TSHZ2: variants seen among roughly 807,000 people sequenced by gnomAD.
TSHZ2 encodes teashirt homolog 2.
In TSHZ2, 21 loss-of-function variants were observed where a neutral mutation model predicts 74.4. The ratio of observed to expected loss-of-function variants is 0.28; its 90% CI spans 0.20 to 0.41. The LOEUF is 0.41. Among genes scored for constraint, TSHZ2 ranks in the 10% least tolerant of loss-of-function variants. The probability of loss-of-function intolerance (pLI) is 1.00; values close to 1 mark genes in which losing one functional copy is unlikely to be tolerated. For synonymous variants in TSHZ2, 540 were observed against 515.3 expected, an observed-to-expected ratio of 1.05 and a Z score of -0.65; for missense variants, 1,244 against 1,293.5, an observed-to-expected ratio of 0.96 and a Z score of 0.59.
rs79615593 is a variant in TSHZ2 at position 53,093,486 on chromosome 20, T to C, written c.40+120153T>C. Among the ~76,000 whole-genome samples, 519 of 152,370 alleles carry C rather than the reference T, an allele frequency of 3.4e-3. 2 individuals are homozygous for C. Among genetic ancestry groups the C allele is most frequent in the Non-Finnish European group, 5.9e-3 (399 of 68,040 alleles). ...TTCCAACATGGTGGTGCTGCTCTCC[T>C]TCACTCTCGCTGGGTGGGCTCCAGC... On this transcript the variant is annotated intron_variant, in intron 1 of 2. Transcript: ENST00000371497.
chr20:53,367,430 T>G (rs1367104929), intron 2 of TSHZ2, among the ~76,000 whole-genome samples: 1 of 151,710 alleles, frequency 6.6e-6, no homozygotes, highest in Non-Finnish European at 1.5e-5. Context: ...AAAATAAATT[T>G]TTAAATTTTT....
chr20:53,473,608 C>T (rs200831232), intron 2 of TSHZ2, among the ~76,000 whole-genome samples: 6 of 144,262 alleles, frequency 4.2e-5, no homozygotes, highest in Admixed American at 1.4e-4. Flanking sequence ...GCCTCTCCTC[C>T]TCCAAAGGAA....
At chr20:53,421,511 C>A in intron 2 of TSHZ2, 1 of 233,296 alleles carries the variant, frequency 4.3e-6, no homozygotes, top group South Asian at 6.9e-5. Context: ...ATCTGCACTG[C>A]CAAAATCGAG....
intron 1 of TSHZ2, among the ~76,000 whole-genome samples, chr20:53,067,280 A>C (rs1012930954): frequency 6.6e-6 from 1 of 152,176 alleles, no homozygotes; most frequent in Non-Finnish European, 1.5e-5. Flanking sequence ...GGGAGGTGAG[A>C]AGTAACTCTT....
At position 53,494,399 on chromosome 20, in the gene TSHZ2, A is replaced by G. The variant is rs961076685; in HGVS notation, c.*7264A>G. 6.6e-6 allele frequency: 1 copy of G among 152,194 alleles called. No homozygotes were observed. Among genetic ancestry groups the G allele is most frequent in the African/African-American group, 2.4e-5 (1 of 41,438 alleles). 9.4% of individuals were successfully genotyped at this position (152,194 alleles called of 1,614,324 possible). A position where few individuals can be genotyped will look rare whatever the true frequency, so the allele number is the denominator to read the frequency against. On this transcript the variant is annotated 3_prime_UTR_variant, in exon 3 of 3. Transcript: ENST00000371497. ...GAACAATCTGATCTTGAACTCCCAC[A>G]TAACTTAAATCAGGCAAAAAGAAAC...
Position 53,254,577 on chromosome 20 carries a change from G to A in TSHZ2, c.1119G>A (p.Glu373=). The change falls in exon 2 of 3, where the codon GAG becomes GAA. Residue 373 remains glutamate, a synonymous_variant. Coordinates refer to ENST00000371497, the MANE Select transcript of TSHZ2 (RefSeq NM_173485.6). ...QNGASYTWQF[E]ACKSQILKCM... ...GAGCCAGCTACACCTGGCAGTTTGA[G>A]GCCTGCAAGTCCCAGATCTTAAAGT... is the stretch of plus-strand genomic sequence containing the variant. 6.2e-7 allele frequency: 1 copy of A among 1,612,526 alleles called. No homozygotes were observed. The highest frequency in any genetic ancestry group is 1.1e-5 in the South Asian group (1 of 91,056).
At chr20:53,298,697 G>T (rs1215376624) in intron 2 of TSHZ2, among the ~76,000 whole-genome samples, 2 of 152,206 alleles carry the variant, frequency 1.3e-5, no homozygotes, top group African/African-American at 4.8e-5. Flanking sequence ...AAACCCAGGA[G>T]TGGCAGCATC....
At chr20:53,370,625 A>T (rs1015330026) in intron 2 of TSHZ2, among the ~76,000 whole-genome samples, 1 of 152,120 alleles carries the variant, frequency 6.6e-6, no homozygotes, top group Admixed American at 6.5e-5. Flanking sequence ...TTAGCCAGGC[A>T]TGGTGGCATG....
In TSHZ2 at chr20:53,323,824, C is replaced by A. The variant is rs139961247; in HGVS notation, c.*8+67253C>A. 7.6e-3 allele frequency among the ~76,000 whole-genome samples: 1,153 copies of A among 152,182 alleles called. 9 individuals carry two copies. The highest frequency in any genetic ancestry group is 0.013 in the Non-Finnish European group (910 of 67,976). On this transcript the variant is annotated intron_variant, in intron 2 of 2. Coordinates refer to ENST00000371497, the MANE Select transcript of TSHZ2 (RefSeq NM_173485.6). ...AACTCCTAACCTTAGGTGATCCACC[C>A]GCCCCGGCCTCCCAAAGTGCTGGGA...
intron 1 of TSHZ2, among the ~76,000 whole-genome samples, chr20:53,044,720 T>A (rs1203623901): frequency 6.6e-6 from 1 of 152,058 alleles, no homozygotes; most frequent in Non-Finnish European, 1.5e-5. Context: ...TTTCTTTGTT[T>A]GTTTTTAGAC....
intron 1 of TSHZ2, among the ~76,000 whole-genome samples, chr20:53,145,020 A>G (rs1049972849): frequency 1.3e-5 from 2 of 152,232 alleles, no homozygotes; most frequent in Admixed American, 1.3e-4. Context: ...AAACAATAAA[A>G]TGAAGCAGGG....
chr20:53,379,064 C>T (rs568424290), intron 2 of TSHZ2, among the ~76,000 whole-genome samples: 2 of 152,218 alleles, frequency 1.3e-5, no homozygotes, highest in East Asian at 3.9e-4. Context: ...TCTCTCTCAC[C>T]TAGCACAGTG....
intron 2 of TSHZ2, among the ~76,000 whole-genome samples, chr20:53,327,200 GAACA>G (rs1453555213): frequency 6.6e-6 from 1 of 152,200 alleles, no homozygotes; most frequent in East Asian, 1.9e-4. Context: ...TATCAAACCA[GAACA>G]TACAGGTCAC....
At chr20:53,320,701 A>G (rs1979223984) in intron 2 of TSHZ2, among the ~76,000 whole-genome samples, 1 of 152,180 alleles carries the variant, frequency 6.6e-6, no homozygotes, top group African/African-American at 2.4e-5. Context: ...CCTTTGACTC[A>G]ACAGAAAAAA....
chr20:53,116,347 C>A (rs1048716395), intron 1 of TSHZ2, among the ~76,000 whole-genome samples: 10 of 152,198 alleles, frequency 6.6e-5, no homozygotes, highest in Non-Finnish European at 1.5e-4. Context: ...CCTGGAGGTT[C>A]CTTTTGCAAT....
intron 1 of TSHZ2, among the ~76,000 whole-genome samples, chr20:53,158,148 A>G (rs1265488297): frequency 6.6e-6 from 1 of 152,102 alleles, no homozygotes; most frequent in Non-Finnish European, 1.5e-5. Context: ...AACAGCCAAG[A>G]CCCGGAAGTC....
Position 53,253,589 on chromosome 20 carries a change from G to C in TSHZ2, c.131G>C (p.Gly44Ala), listed in dbSNP as rs142103194. ...AGCGGTTCAGTAGCTCAACTGCAGG[G>C]TGGCAATGACACAGGGACGGACGAG... ...EDSGSVAQLQ[G>A]GNDTGTDEEL... Residue 44 changes from glycine to alanine, a missense_variant, in exon 2 of 3, where the codon GGT becomes GCT. Gly to Ala is a moderately conservative substitution (Grantham distance 60, BLOSUM62 0). Transcript: ENST00000371497. 5.0e-6 allele frequency: 8 copies of C among 1,614,134 alleles called. No homozygotes were observed. In the East Asian group the frequency reaches 1.8e-4, roughly 36 times the overall value.
chr20:53,352,939 G>A (rs1980710057), intron 2 of TSHZ2, among the ~76,000 whole-genome samples: 1 of 152,056 alleles, frequency 6.6e-6, no homozygotes, highest in Non-Finnish European at 1.5e-5. Flanking sequence ...ATCTTCCTCT[G>A]TTGCTAATCC....
chr20:53,386,118 C>T (rs1392889219), intron 2 of TSHZ2, among the ~76,000 whole-genome samples: 2 of 152,232 alleles, frequency 1.3e-5, no homozygotes, highest in East Asian at 1.9e-4. Context: ...CCCCTCACCT[C>T]TTAGCGTGGC....
Sources: gnomAD v4.1 joint callset for allele counts (sites outside exome capture counted in the v4.1 genomes callset) on GRCh38, gnomAD v4.1.1 for gene constraint, MANE v1.5 for transcripts, NCBI Gene and HGNC (gene_info 2026-07-23, HGNC 2026-07-21) for gene names.